The following FBLN2 variants were observed in gnomAD, a reference collection of about 807,000 sequenced individuals.
FBLN2 encodes fibulin 2, also known as fibulin-2.
FBLN2 carries 81 observed loss-of-function variants against 123.7 expected under a neutral mutation model. That is an observed-to-expected ratio of 0.65 (90% CI 0.55 to 0.79). FBLN2 has a LOEUF of 0.79. Ranked by LOEUF, FBLN2 falls within the 30% of genes least tolerant of loss-of-function variation. FBLN2 has a pLI of 0.00. For missense variants in FBLN2, 1,603 were observed against 1,681.3 expected, an observed-to-expected ratio of 0.95 and a Z score of 0.81; for synonymous variants, 699 against 701.4, an observed-to-expected ratio of 1.00 and a Z score of 0.05.
chr3:13,606,258 G>C (rs1485907992), intron 2 of FBLN2, among the ~76,000 whole-genome samples: 1 of 152,160 alleles, frequency 6.6e-6, no homozygotes, highest in Non-Finnish European at 1.5e-5. Context: ...AGTTTATTAT[G>C]TTTTGTAGAT....
chr3:13,582,431 C>G (rs1466519545), intron 2 of FBLN2, among the ~76,000 whole-genome samples: 1 of 152,214 alleles, frequency 6.6e-6, no homozygotes, highest in Non-Finnish European at 1.5e-5. Context: ...CTGTGGGCCT[C>G]TAGGACCTCT....
intron 2 of FBLN2, among the ~76,000 whole-genome samples, chr3:13,581,943 C>T (rs555579541): frequency 1.3e-5 from 2 of 152,204 alleles, no homozygotes; most frequent in South Asian, 4.2e-4. Flanking sequence ...GCACAGGGCT[C>T]CCCAGGTTAG....
intron 1 of FBLN2, among the ~76,000 whole-genome samples, chr3:13,557,136 A>G (rs1238216090): frequency 6.6e-6 from 1 of 152,228 alleles, no homozygotes; most frequent in Non-Finnish European, 1.5e-5. Flanking sequence ...TGGGAAGAAC[A>G]TCTGCCCTGG....
At chr3:13,573,054 C>G (rs1704014725) in intron 2 of FBLN2, among the ~76,000 whole-genome samples, 1 of 152,172 alleles carries the variant, frequency 6.6e-6, no homozygotes, top group African/African-American at 2.4e-5. Flanking sequence ...CCTAGGGAAT[C>G]TGGGGGCCTC....
intron 1 of FBLN2, among the ~76,000 whole-genome samples, chr3:13,558,299 C>T (rs1328186321): frequency 6.6e-6 from 1 of 152,084 alleles, no homozygotes; most frequent in Non-Finnish European, 1.5e-5. Context: ...CTCTTTCTGT[C>T]TCACTAATGG....
rs544858699 is a variant in FBLN2 at position 13,619,523 on chromosome 3, C to T, written c.2054-207C>T. ...GGGGAGGTAGACCCAGAACGTCGTCCCCGACGCCAGACGGTGTTGGAGCAG... is the reference window on the plus strand; with the variant it reads ...GGGGAGGTAGACCCAGAACGTCGTCTCCGACGCCAGACGGTGTTGGAGCAG... On this transcript the variant is annotated intron_variant, in intron 7 of 17. Transcript: ENST00000404922. Among the ~76,000 whole-genome samples the T allele has an allele frequency of 1.3e-4, 19 of 150,922 alleles. No individual in the cohort carries two copies. In the South Asian group the frequency reaches 3.9e-3, roughly 31 times the overall value.
In FBLN2 at chr3:13,549,145, C is replaced by G. The variant is rs1174794904; in HGVS notation, c.-105C>G. 2 of 982,932 alleles carry G rather than the reference C, an allele frequency of 2.0e-6. No individual in the cohort carries two copies. Among genetic ancestry groups the G allele is most frequent in the Non-Finnish European group, 2.4e-6 (2 of 828,984 alleles). The allele number at this position is 982,932 out of a possible 1,614,324, so 60.9% of individuals were successfully genotyped here. A position where few individuals can be genotyped will look rare whatever the true frequency, so the allele number is the denominator to read the frequency against. On this transcript the variant is annotated 5_prime_UTR_variant, in exon 1 of 18. Coordinates refer to ENST00000404922, the MANE Select transcript of FBLN2 (RefSeq NM_001004019.2). The stretch of plus-strand genomic sequence containing the variant: ...CGCGCGCACACAGCCAGGGGCCGCC[C>G]GGGCTCTCGACGCGCCGACGGCCGG...
At chr3:13,626,720 G>A in intron 10 of FBLN2, 141 bp downstream of exon 10, 2 of 878,162 alleles carry the variant, frequency 2.3e-6, no homozygotes, top group East Asian at 2.8e-5. Flanking sequence ...TTTCTAGCAA[G>A]CTCCCCTTAG....
intron 16 of FBLN2, among the ~76,000 whole-genome samples, chr3:13,631,837 G>A (rs1706269333): frequency 6.6e-6 from 1 of 152,210 alleles, no homozygotes; most frequent in Non-Finnish European, 1.5e-5. Context: ...CAGGGACAAG[G>A]GGATCAGGCA....
At chr3:13,598,104 T>A (rs1369015319) in intron 2 of FBLN2, among the ~76,000 whole-genome samples, 1 of 152,218 alleles carries the variant, frequency 6.6e-6, no homozygotes, top group Non-Finnish European at 1.5e-5. Context: ...AGGGTAGGCG[T>A]GGCTGAAGGC....
chr3:13,630,046 C>G (rs1223289488), intron 14 of FBLN2, 101 bp downstream of exon 14: 2 of 1,499,502 alleles, frequency 1.3e-6, no homozygotes, highest in African/African-American at 1.4e-5. Flanking sequence ...CACCCTTACA[C>G]CTTCACCCTC....
rs779025839 is a variant in FBLN2, at chr3:13,628,912, C to T, written c.2577C>T (p.Asn859=). The T allele has an allele frequency of 2.1e-5, 34 of 1,612,748 alleles. No individual in the cohort carries two copies. Among genetic ancestry groups the T allele is most frequent in the Non-Finnish European group, 2.5e-5 (30 of 1,179,508 alleles). ...QDPEGNCVDI[N]ECTSLSEPCR... ...CTACACCTGCCTCTGCAGACATCAA[C>T]GAGTGCACGTCACTGTCCGAGCCAT... The change falls in exon 12 of 18, where the codon AAC becomes AAT. Residue 859 remains asparagine (N), a synonymous_variant. Transcript: ENST00000404922.
chr3:13,632,744 A>G (rs923484694), intron 16 of FBLN2, among the ~76,000 whole-genome samples: 2 of 152,164 alleles, frequency 1.3e-5, no homozygotes, highest in African/African-American at 4.8e-5. Context: ...TCAGAAGACC[A>G]TGAGAAGACC....
At chr3:13,566,293 T>C (rs963426136) in intron 1 of FBLN2, among the ~76,000 whole-genome samples, 2 of 152,190 alleles carry the variant, frequency 1.3e-5, no homozygotes, top group African/African-American at 4.8e-5. Flanking sequence ...GACCCTGCAG[T>C]GTAGAGACTG....
In FBLN2 at chr3:13,627,934, A is replaced by G. The variant is rs1454000045; in HGVS notation, c.2534A>G (p.Asp845Gly). ...TGCCAGGCCAGGCAGCGCTGCATGGATGGCTTCCTGCAGGATCCTGAAGGC... is the reference window on the plus strand; with the variant it reads ...TGCCAGGCCAGGCAGCGCTGCATGGGTGGCTTCCTGCAGGATCCTGAAGGC... ...FYCQARQRCM[D>G]GFLQDPEGNC... Residue 845 changes from aspartate to glycine, a missense_variant, in exon 11 of 18, where the codon GAT becomes GGT. Transcript: ENST00000404922. The G allele has an allele frequency of 6.2e-7, 1 of 1,613,702 alleles. No homozygotes were observed. The highest frequency in any genetic ancestry group is 1.1e-5 in the South Asian group (1 of 91,070).
At chr3:13,576,774 T>A (rs1342685485) in intron 2 of FBLN2, among the ~76,000 whole-genome samples, 1 of 149,802 alleles carries the variant, frequency 6.7e-6, no homozygotes, top group Non-Finnish European at 1.5e-5. Context: ...GCGCTCCAAC[T>A]GTGTGCAGGC....
At chr3:13,558,568 A>G (rs1005012305) in intron 1 of FBLN2, among the ~76,000 whole-genome samples, 1 of 151,860 alleles carries the variant, frequency 6.6e-6, no homozygotes, top group Non-Finnish European at 1.5e-5. Flanking sequence ...TCACATTCAT[A>G]ATTCATCCCA....
chr3:13,561,242 G>C (rs1574943462), intron 1 of FBLN2, among the ~76,000 whole-genome samples: 1 of 152,176 alleles, frequency 6.6e-6, no homozygotes, highest in Non-Finnish European at 1.5e-5. Context: ...TTCTCAAAAG[G>C]GGTGTCTACA....
intron 4 of FBLN2, among the ~76,000 whole-genome samples, chr3:13,611,519 A>G (rs1705391701): frequency 6.6e-6 from 1 of 152,166 alleles, no homozygotes; most frequent in African/African-American, 2.4e-5. Context: ...AAGTGGAATT[A>G]TACAGTGTTT....
Sources: gnomAD v4.1 joint callset for allele counts (sites outside exome capture counted in the v4.1 genomes callset) on GRCh38, gnomAD v4.1.1 for gene constraint, MANE v1.5 for transcripts, NCBI Gene and HGNC (gene_info 2026-07-23, HGNC 2026-07-21) for gene names.